The following SNAPC4 variants were observed in gnomAD, a reference collection of about 807,000 sequenced individuals.
SNAPC4 encodes the protein small nuclear RNA activating complex polypeptide 4, also known as snRNA-activating protein complex subunit 4.
In SNAPC4, 127 loss-of-function variants were observed where a neutral mutation model predicts 151.3. That is an observed-to-expected ratio of 0.84 (90% CI 0.73 to 0.97). The LOEUF (loss-of-function observed/expected upper bound fraction) is 0.97, where lower values mean the gene tolerates loss of function less well. SNAPC4 is among the 50% of genes least tolerant of loss of function. The pLI, the probability that SNAPC4 is intolerant of heterozygous loss-of-function variation, is 0.00. For synonymous variants in SNAPC4, 1,002 were observed against 824.4 expected (o/e 1.22, Z -3.69); for missense variants, 2,186 against 1,935.0 (o/e 1.13, Z -2.43).
At chr9:136,399,785 G>A (rs1186705459) in intron 1 of SNAPC4, among the ~76,000 whole-genome samples, 1 of 152,208 alleles carries the variant, frequency 6.6e-6, no homozygotes, top group Non-Finnish European at 1.5e-5. Flanking sequence ...TCCGCCTCCT[G>A]CTCGCTGCGT....
rs150547190 is a variant in SNAPC4 at position 136,395,156 on chromosome 9, C to T, written c.471+142G>A. ...AGAGCAGAGGGCAGCTTGCCCACCA[C>T]GGAGGAGGCAGTTTGAAGGAGGTTG... On this transcript the variant is annotated intron_variant, in intron 5 of 23. Coordinates refer to ENST00000684778, the MANE Select transcript of SNAPC4 (RefSeq NM_003086.4). 633 of 1,089,722 alleles carry T rather than the reference C, an allele frequency of 5.8e-4. 2 individuals carry two copies. The African/African-American group carries it at 8.9e-3, about 15-fold the overall frequency. The allele number at this position is 1,089,722 out of a possible 1,614,324, so 67.5% of individuals were successfully genotyped here.
chr9:136,378,439 A>G lies in SNAPC4; in HGVS notation c.3388T>C (p.Leu1130=), dbSNP rs374373991. ...RAAQGPRAPA[L]SSSWQPPANM... is the part of the protein sequence containing the mutation. ...GCTGGGGGCTGCCAAGAGCTGCTCA[A>G]CGCTGGGGCCCTGGGGCCCTGGGCC... is the stretch of plus-strand genomic sequence containing the variant. The change falls in exon 22 of 24, where the codon TTG becomes CTG. Residue 1130 remains leucine, a synonymous_variant. Coordinates refer to ENST00000684778, the MANE Select transcript of SNAPC4 (RefSeq NM_003086.4). The G allele has an allele frequency of 2.3e-5, 37 of 1,594,384 alleles. No individual in the cohort carries two copies. In the African/African-American group the frequency reaches 4.3e-4, roughly 18 times the overall value.
chr9:136,395,216 C>T, intron 5 of SNAPC4, 82 bp downstream of exon 5: 1 of 1,515,150 alleles, frequency 6.6e-7, no homozygotes, highest in Non-Finnish European at 9.0e-7. Context: ...GAATTCACGA[C>T]TCCCTGCAGC....
chr9:136,386,403 T>TA (rs1833890002), intron 13 of SNAPC4, among the ~76,000 whole-genome samples: 1 of 151,866 alleles, frequency 6.6e-6, no homozygotes, highest in African/African-American at 2.4e-5. Flanking sequence ...TACTAAATAC[T>TA]AAAAACCACT....
At position 136,381,969 on chromosome 9, in the gene SNAPC4, G is replaced by C. The variant is rs1453422364; in HGVS notation, c.2172C>G (p.Thr724=). ...GTCTCCAGCGCCGCTGCCCACTCTGGGTGGCTCTGTGCCGTAGCCACTGCA... is the reference window on the plus strand; with the variant it reads ...GTCTCCAGCGCCGCTGCCCACTCTGCGTGGCTCTGTGCCGTAGCCACTGCA... ...SHVQWLRHRA[T]QSGQRRWRHA... is the part of the protein sequence containing the mutation. The change falls in exon 18 of 24, where the codon ACC becomes ACG. Residue 724 remains threonine (T), a synonymous_variant. Transcript: ENST00000684778. 1.2e-5 allele frequency: 20 copies of C among 1,611,770 alleles called. No individual in the cohort carries two copies. The highest frequency in any genetic ancestry group is 1.6e-5 in the Non-Finnish European group (19 of 1,179,882).
rs1455671109 is a variant in SNAPC4, at chr9:136,379,242, C to A, written c.2585G>T (p.Gly862Val). 2.5e-6 allele frequency: 4 copies of A among 1,612,582 alleles called. No individual in the cohort carries two copies. Among genetic ancestry groups the A allele is most frequent in the Non-Finnish European group, 3.4e-6 (4 of 1,179,974 alleles). ...CCGGCTGGACGCCAGTCTTCGGCTC[C>A]CTTTGTGGCTGGCACTCTTTGAGGC... ...QEASKSASHK[G>V]SRRLASSRVE... The change falls in exon 22 of 24, where the codon GGG (glycine) becomes GTG (valine). Residue 862 changes from glycine (G) to valine (V), a missense_variant. Physicochemically the swap from Gly to Val is moderately radical, Grantham distance 109. Coordinates refer to ENST00000684778, the MANE Select transcript of SNAPC4 (RefSeq NM_003086.4).
chr9:136,390,835 T>C (rs1173500085), intron 10 of SNAPC4, among the ~76,000 whole-genome samples: 2 of 151,756 alleles, frequency 1.3e-5, no homozygotes, highest in Non-Finnish European at 2.9e-5. Context: ...TGTATTTATT[T>C]ATTTATTTTT....
chr9:136,385,337 C>T (rs1241648107), intron 13 of SNAPC4, among the ~76,000 whole-genome samples: 4 of 152,274 alleles, frequency 2.6e-5, no homozygotes, highest in South Asian at 2.1e-4. Context: ...AGTGGGAATA[C>T]GAAATGGTTC....
At chr9:136,385,785 A>C (rs1833869761) in intron 13 of SNAPC4, among the ~76,000 whole-genome samples, 1 of 151,972 alleles carries the variant, frequency 6.6e-6, no homozygotes, top group South Asian at 2.1e-4. Flanking sequence ...TGAACTCCTG[A>C]CCTCATGATC....
rs377237409 is a variant in SNAPC4, at chr9:136,377,751, G to A, written c.4076C>T (p.Pro1359Leu). Residue 1359 changes from proline to leucine, a missense_variant, in exon 22 of 24, where the codon CCG becomes CTG. Physicochemically the swap from Pro to Leu is moderately conservative, Grantham distance 98. Transcript: ENST00000684778. ...GLVRGQLQDN[P>L]AYLLLRARFL... ...CCGCGCCCGCAACAGGAGGTAGGCC[G>A]GGTTGTCCTGGAGCTGCCCCCGCAC... 39 of 1,610,358 alleles carry A rather than the reference G, an allele frequency of 2.4e-5. No individual in the cohort carries two copies. Among genetic ancestry groups the A allele is most frequent in the African/African-American group, 8.0e-5 (6 of 74,878 alleles).
At chr9:136,385,567 GT>G (rs906697354) in intron 13 of SNAPC4, among the ~76,000 whole-genome samples, 27 of 92,100 alleles carry the variant, frequency 2.9e-4, no homozygotes, top group East Asian at 1.3e-3. Context: ...CCCCCCTTTT[GT>G]TTTTTTTGAG....
intron 17 of SNAPC4, 77 bp downstream of exon 17, chr9:136,382,176 T>C (rs1364367965): frequency 1.9e-6 from 3 of 1,589,922 alleles, no homozygotes; most frequent in Non-Finnish European, 2.6e-6. Flanking sequence ...CAGGGCATGA[T>C]CGACGGGGAG....
chr9:136,391,076 C>T (rs901952922), intron 10 of SNAPC4, among the ~76,000 whole-genome samples: 1 of 152,086 alleles, frequency 6.6e-6, no homozygotes, highest in Non-Finnish European at 1.5e-5. Context: ...TCAGGTGATC[C>T]GCCAGCCTCG....
intron 14 of SNAPC4, 80 bp downstream of exon 14, chr9:136,384,638 GCT>G: frequency 2.8e-6 from 2 of 723,814 alleles, no homozygotes; most frequent in Non-Finnish European, 4.5e-6. Flanking sequence ...GACAGAGCTT[GCT>G]CTGTCTTTAT....
chr9:136,377,799 G>C lies in SNAPC4; in HGVS notation c.4028C>G (p.Ala1343Gly). Reference sequence around the variant, plus strand: ...CACCAGCCCCAGTGAGGCTTGCAGTGCTCCGGCCGGCCGCTCAGCCTCGCC... The same window carrying C: ...CACCAGCCCCAGTGAGGCTTGCAGTCCTCCGGCCGGCCGCTCAGCCTCGCC... ...VGGEAERPAG[A>G]LQASLGLVRG... Residue 1343 changes from alanine (A) to glycine (G), a missense_variant, in exon 22 of 24, where the codon GCA (alanine) becomes GGA (glycine). Coordinates refer to ENST00000684778, the MANE Select transcript of SNAPC4 (RefSeq NM_003086.4). The C allele has an allele frequency of 6.2e-7, 1 of 1,611,650 alleles. No individual in the cohort carries two copies. Among genetic ancestry groups the C allele is most frequent in the Non-Finnish European group, 8.5e-7 (1 of 1,179,672 alleles).
chr9:136,399,611 G>A (rs980168391), intron 1 of SNAPC4, among the ~76,000 whole-genome samples: 8 of 152,148 alleles, frequency 5.3e-5, no homozygotes, highest in East Asian at 1.9e-4. Flanking sequence ...CCCAAGGGCT[G>A]GTCATGAGGG....
Position 136,378,354 on chromosome 9 carries a change from T to A in SNAPC4, c.3473A>T (p.His1158Leu). Residue 1158 changes from histidine to leucine, a missense_variant, in exon 22 of 24, where the codon CAC becomes CTC. Transcript: ENST00000684778. ...CRTDTPAPPTHALSQSPAEAD... is the reference protein window; with the variant it reads ...CRTDTPAPPTLALSQSPAEAD... Reference sequence around the variant, plus strand: ...TTCTGCAGGACTTTGGGAGAGGGCGTGTGTGGGAGGAGCTGGGGTGTCTGT... The same window carrying A: ...TTCTGCAGGACTTTGGGAGAGGGCGAGTGTGGGAGGAGCTGGGGTGTCTGT... The A allele has an allele frequency of 6.2e-7, 1 of 1,609,898 alleles. No individual in the cohort carries two copies. The highest frequency in any genetic ancestry group is 8.5e-7 in the Non-Finnish European group (1 of 1,178,854).
rs1454390829 is a variant in SNAPC4, at chr9:136,378,069, T to C, written c.3758A>G (p.Asp1253Gly). The change falls in exon 22 of 24, where the codon GAC (aspartate) becomes GGC (glycine). Residue 1253 changes from aspartate to glycine, a missense_variant. Physicochemically the swap from Asp to Gly is moderately conservative, Grantham distance 94. Transcript: ENST00000684778. ...CTGGGGTAGGGGCGGCTTCTCCAGG[T>C]CCAGGGCCCCCTTCTCAGGCCCAGG... is the stretch of plus-strand genomic sequence containing the variant. ...RQPGPEKGAL[D>G]LEKPPLPQPG... The C allele has an allele frequency of 6.3e-7, 1 of 1,578,458 alleles. No individual in the cohort carries two copies. Among genetic ancestry groups the C allele is most frequent in the Non-Finnish European group, 8.6e-7 (1 of 1,163,082 alleles).
rs1388319662 is a variant in SNAPC4, at chr9:136,383,366, G to A, written c.1803C>T (p.Pro601=). 6.2e-7 allele frequency: 1 copy of A among 1,604,858 alleles called. No individual in the cohort carries two copies. Among genetic ancestry groups the A allele is most frequent in the Non-Finnish European group, 8.5e-7 (1 of 1,176,198 alleles). ...CGCCCTGGCTGGCACTGGACCCCTT[G>A]GGAGGGCTGAGGGAGGCAGCGGGGC... is the stretch of plus-strand genomic sequence containing the variant. The part of the protein sequence containing the change: ...LGGPAASLSP[P]KGSSASQGGS... Residue 601 remains proline, a synonymous_variant, in exon 16 of 24, where the codon CCC becomes CCT. Coordinates refer to ENST00000684778, the MANE Select transcript of SNAPC4 (RefSeq NM_003086.4). The surrounding 1 kb of genome is among the most constrained non-coding windows in gnomAD (Gnocchi z 4.2).
Sources: allele counts gnomAD v4.1 joint callset (sites outside exome capture counted in the v4.1 genomes callset), GRCh38; gene constraint gnomAD v4.1.1; non-coding constraint Gnocchi (gnomAD v3.1); transcripts MANE v1.5; gene names NCBI Gene and HGNC (gene_info 2026-07-23, HGNC 2026-07-21).